The following PDK1 variants were observed in gnomAD, a reference collection of about 807,000 sequenced individuals.
The protein encoded by PDK1 is pyruvate dehydrogenase kinase 1.
In PDK1, 39 loss-of-function variants were observed where a neutral mutation model predicts 54.2. The ratio of observed to expected loss-of-function variants is 0.72; its 90% CI spans 0.56 to 0.94. The LOEUF is 0.94. Ranked by LOEUF, PDK1 falls within the 40% of genes least tolerant of loss-of-function variation. The pLI is 0.00. For synonymous variants in PDK1, 221 were observed against 207.1 expected, an observed-to-expected ratio of 1.07 and a Z score of -0.58; for missense variants, 552 against 566.0, an observed-to-expected ratio of 0.98 and a Z score of 0.25.
chr2:172,586,350 C>G lies in PDK1; in HGVS notation c.1018C>G (p.Pro340Ala). The change falls in exon 9 of 11, where the codon CCA becomes GCA. Residue 340 changes from proline (P) to alanine (A), a missense_variant. Transcript: ENST00000282077. ...TTTCAACTACATGTATTCAACTGCA[C>G]CAAGACCTCGTGTTGAGACCTCCCG... ...RLFNYMYSTA[P>A]RPRVETSRAV... The G allele has an allele frequency of 6.2e-7, 1 of 1,612,458 alleles. No individual in the cohort carries two copies. Among genetic ancestry groups the G allele is most frequent in the African/African-American group, 1.3e-5 (1 of 74,966 alleles).
chr2:172,700,258 A>G, the PDK1 span, among the ~76,000 whole-genome samples: 5 of 151,980 alleles, frequency 3.3e-5, no homozygotes, highest in Non-Finnish European at 7.4e-5. Context: ...CCCGTTCTCA[A>G]TGAGCTGTTG....
In PDK1 at chr2:172,602,205, A is replaced by G. The variant is rs1691138503; in HGVS notation, c.*6236A>G. ...AAGACTGTGAAATATTAATAGACCA[A>G]TCTTGTTTATGAACATAGATGGAAA... is the stretch of plus-strand genomic sequence containing the variant. On this transcript the variant is annotated 3_prime_UTR_variant, in exon 11 of 11. Transcript: ENST00000282077. The G allele has an allele frequency of 6.6e-6, 1 of 152,212 alleles. No homozygotes were observed. The highest frequency in any genetic ancestry group is 2.4e-5 in the African/African-American group (1 of 41,458). The allele number at this position is 152,212 out of a possible 1,614,324, so 9.4% of individuals were successfully genotyped here.
At chr2:172,719,591 A>G in the PDK1 span, among the ~76,000 whole-genome samples, 1 of 151,688 alleles carries the variant, frequency 6.6e-6, no homozygotes, top group Non-Finnish European at 1.5e-5. Context: ...ATCTTGCTTT[A>G]TTTCCAGTTT....
the PDK1 span, among the ~76,000 whole-genome samples, chr2:172,686,647 C>T: frequency 1.8e-4 from 28 of 152,324 alleles, no homozygotes; most frequent in African/African-American, 6.5e-4. Flanking sequence ...TGTTCTTTTG[C>T]TCTTCACAAT....
downstream of PDK1, among the ~76,000 whole-genome samples, chr2:172,611,618 TTAA>T (rs1382916652): frequency 6.6e-6 from 1 of 152,220 alleles, no homozygotes; most frequent in African/African-American, 2.4e-5. Context: ...AAACTACAGA[TTAA>T]TCTTTCTCAT....
intron 8 of PDK1, among the ~76,000 whole-genome samples, chr2:172,574,127 T>A (rs1346282145): frequency 6.6e-6 from 1 of 152,226 alleles, no homozygotes; most frequent in African/African-American, 2.4e-5. Flanking sequence ...AGGTAGAGGT[T>A]CATCTTCATT....
At chr2:172,642,778 C>CCTCCCA in the PDK1 span, among the ~76,000 whole-genome samples, 1 of 119,898 alleles carries the variant, frequency 8.3e-6, no homozygotes, top group Admixed American at 9.1e-5. Context: ...TCCTTCTCCT[C>CCTCCCA]CTCCTCCCAC....
At chr2:172,665,720 G>C in the PDK1 span, among the ~76,000 whole-genome samples, 5 of 152,156 alleles carry the variant, frequency 3.3e-5, no homozygotes, top group Non-Finnish European at 7.3e-5. Flanking sequence ...GATATGCAGC[G>C]TTGGCATTTT....
At chr2:172,633,390 T>C in the PDK1 span, among the ~76,000 whole-genome samples, 18 of 147,920 alleles carry the variant, frequency 1.2e-4, no homozygotes, top group African/African-American at 3.5e-4. Context: ...TCTTTTTTTT[T>C]TTTTTTTTTT....
chr2:172,626,850 C>G, the PDK1 span, among the ~76,000 whole-genome samples: 2 of 151,518 alleles, frequency 1.3e-5, no homozygotes, highest in South Asian at 4.2e-4. Flanking sequence ...ACAAGATAAA[C>G]TAATTTACAG....
the PDK1 span, among the ~76,000 whole-genome samples, chr2:172,679,566 T>C: frequency 6.6e-6 from 1 of 152,196 alleles, no homozygotes; most frequent in East Asian, 1.9e-4. Context: ...TGGAAAACAT[T>C]TTTATAGCCT....
chr2:172,632,506 A>G, the PDK1 span, among the ~76,000 whole-genome samples: 1 of 152,236 alleles, frequency 6.6e-6, no homozygotes, highest in Non-Finnish European at 1.5e-5. Context: ...ATCCAGTACA[A>G]AATGCTTATT....
chr2:172,628,796 G>A, the PDK1 span, among the ~76,000 whole-genome samples: 4 of 151,898 alleles, frequency 2.6e-5, no homozygotes, highest in African/African-American at 9.7e-5. Context: ...TCCCACCCAC[G>A]ATAAACTTAC....
intron 9 of PDK1, among the ~76,000 whole-genome samples, chr2:172,587,639 C>T (rs185342210): frequency 6.6e-6 from 1 of 150,496 alleles, no homozygotes. Flanking sequence ...TGGAAGGGTA[C>T]CAGAGTGGCT....
chr2:172,621,540 T>C, the PDK1 span, among the ~76,000 whole-genome samples: 1 of 146,936 alleles, frequency 6.8e-6, no homozygotes, highest in South Asian at 2.1e-4. Flanking sequence ...TTTTTATATA[T>C]ATATTATATA....
At position 172,561,074 on chromosome 2, in the gene PDK1, T is replaced by C. The variant is rs1298303470; in HGVS notation, c.339-1146T>C. ...ATCTAGTCCAAGTATGGAATAGTTA[T>C]AAGTGTGGATTAAATGGGAAGCATT... On this transcript the variant is annotated intron_variant, in intron 2 of 10. Transcript: ENST00000282077. 2.6e-5 allele frequency among the ~76,000 whole-genome samples: 4 copies of C among 152,370 alleles called. No individual in the cohort carries two copies. The East Asian group carries it at 7.7e-4, about 29-fold the overall frequency.
At chr2:172,717,246 G>T in the PDK1 span, among the ~76,000 whole-genome samples, 1 of 152,220 alleles carries the variant, frequency 6.6e-6, no homozygotes. Context: ...AAACCTGTGT[G>T]CATGTGAGTG....
At chr2:172,650,047 A>G in the PDK1 span, among the ~76,000 whole-genome samples, 2 of 152,314 alleles carry the variant, frequency 1.3e-5, no homozygotes, top group South Asian at 4.1e-4. Context: ...CAGATTCACC[A>G]AAGTTGAAAT....
chr2:172,702,616 T>G, the PDK1 span, among the ~76,000 whole-genome samples: 1 of 151,868 alleles, frequency 6.6e-6, no homozygotes, highest in Non-Finnish European at 1.5e-5. Context: ...TTTTTTTTTT[T>G]TTTTTAAATT....
Sources: gnomAD v4.1 joint callset for allele counts (sites outside exome capture counted in the v4.1 genomes callset) on GRCh38, gnomAD v4.1.1 for gene constraint, MANE v1.5 for transcripts, NCBI Gene and HGNC (gene_info 2026-07-23, HGNC 2026-07-21) for gene names.